The following SGCZ variants were observed in gnomAD, a reference collection of about 807,000 sequenced individuals.
SGCZ encodes the protein sarcoglycan zeta.
In SGCZ, 40 loss-of-function variants were observed where a neutral mutation model predicts 41.3. The observed-to-expected ratio is 0.97, with a 90% confidence interval of 0.75 to 1.26. The LOEUF (loss-of-function observed/expected upper bound fraction) is 1.26. Among genes scored for constraint, SGCZ ranks in the 50% most tolerant of loss-of-function variants. The pLI is 0.00. For missense variants in SGCZ, 552 were observed against 369.8 expected (o/e 1.49, Z -4.04); for synonymous variants, 206 against 137.5 (o/e 1.50, Z -3.49).
At chr8:14,965,917 G>T (rs1429152013) in intron 1 of SGCZ, among the ~76,000 whole-genome samples, 10 of 151,998 alleles carry the variant, frequency 6.6e-5, no homozygotes, top group Admixed American at 6.6e-4. Flanking sequence ...TCTAACTCAT[G>T]ATCGAAGAAG....
chr8:14,744,501 C>T (rs1799287726), intron 1 of SGCZ, among the ~76,000 whole-genome samples: 1 of 152,002 alleles, frequency 6.6e-6, no homozygotes, highest in African/African-American at 2.4e-5. Flanking sequence ...TTCCAACTTC[C>T]TTTTTTTCTG....
intron 1 of SGCZ, among the ~76,000 whole-genome samples, chr8:15,080,057 T>C (rs1295405228): frequency 1.3e-5 from 2 of 152,098 alleles, no homozygotes; most frequent in African/African-American, 4.8e-5. Flanking sequence ...TTATCTTCTG[T>C]TTTTCTTGTT....
At chr8:14,739,757 G>C (rs1227633989) in intron 1 of SGCZ, among the ~76,000 whole-genome samples, 1 of 151,988 alleles carries the variant, frequency 6.6e-6, no homozygotes, top group Non-Finnish European at 1.5e-5. Context: ...ACGTTAAAAG[G>C]AAAGGGGAAA....
chr8:14,820,276 T>C (rs1018362301), intron 1 of SGCZ, among the ~76,000 whole-genome samples: 1 of 152,016 alleles, frequency 6.6e-6, no homozygotes, highest in African/African-American at 2.4e-5. Context: ...GACATCATTA[T>C]ACAATGAAAA....
rs1010496649 is a variant in SGCZ, at chr8:14,085,743, G to T, written c.*4700C>A. Among the ~76,000 whole-genome samples the T allele has an allele frequency of 2.0e-5, 3 of 151,646 alleles. No individual in the cohort carries two copies. Among genetic ancestry groups the T allele is most frequent in the African/African-American group, 7.3e-5 (3 of 41,374 alleles). On this transcript the variant is annotated 3_prime_UTR_variant, in exon 8 of 8. Transcript: ENST00000382080. Reference sequence around the variant, plus strand: ...GTTATGCATGTATAAAAGAAAAGTGGACCACACTAATGATGTTTCCCTTCT... The same window carrying T: ...GTTATGCATGTATAAAAGAAAAGTGTACCACACTAATGATGTTTCCCTTCT...
chr8:14,758,722 C>T (rs1286753597), intron 1 of SGCZ, among the ~76,000 whole-genome samples: 1 of 152,088 alleles, frequency 6.6e-6, no homozygotes, highest in Non-Finnish European at 1.5e-5. Flanking sequence ...AAATTCTTTA[C>T]AGTAGGCCGA....
At chr8:14,527,732 G>A (rs569312655) in intron 2 of SGCZ, among the ~76,000 whole-genome samples, 15 of 152,074 alleles carry the variant, frequency 9.9e-5, no homozygotes, top group African/African-American at 9.7e-5. Context: ...ATAAGCACAT[G>A]TGTTAATTAC....
At chr8:14,477,118 C>T (rs1022018747) in intron 2 of SGCZ, among the ~76,000 whole-genome samples, 1 of 152,124 alleles carries the variant, frequency 6.6e-6, no homozygotes, top group Non-Finnish European at 1.5e-5. Flanking sequence ...CAAATTCACT[C>T]TATGTGTCTT....
chr8:14,377,803 G>A (rs1311638554), intron 2 of SGCZ, among the ~76,000 whole-genome samples: 1 of 151,600 alleles, frequency 6.6e-6, no homozygotes, highest in Non-Finnish European at 1.5e-5. Flanking sequence ...TCTTGCGATA[G>A]TTTACTGAGA....
At chr8:15,226,781 T>C (rs1373722629) in intron 1 of SGCZ, among the ~76,000 whole-genome samples, 2 of 152,032 alleles carry the variant, frequency 1.3e-5, no homozygotes, top group Non-Finnish European at 2.9e-5. Flanking sequence ...TGTCTTAGGA[T>C]AAAACAGATT....
chr8:15,111,442 T>A (rs1359289935), intron 1 of SGCZ, among the ~76,000 whole-genome samples: 2 of 152,152 alleles, frequency 1.3e-5, no homozygotes, highest in Non-Finnish European at 2.9e-5. Context: ...CAAGGACCAA[T>A]TCACTTGAGC....
chr8:14,297,260 A>G (rs1485133299), intron 3 of SGCZ, among the ~76,000 whole-genome samples: 1 of 152,148 alleles, frequency 6.6e-6, no homozygotes, highest in South Asian at 2.1e-4. Context: ...ATTTGAGGAT[A>G]TAGATATAGA....
chr8:14,498,146 T>C (rs954860797), intron 2 of SGCZ, among the ~76,000 whole-genome samples: 7 of 152,228 alleles, frequency 4.6e-5, no homozygotes, highest in African/African-American at 1.4e-4. Flanking sequence ...ATGTCAATAA[T>C]AATCACTTTT....
At chr8:14,614,155 T>G (rs1057089892) in intron 1 of SGCZ, among the ~76,000 whole-genome samples, 5 of 152,174 alleles carry the variant, frequency 3.3e-5, no homozygotes, top group Admixed American at 3.3e-4. Context: ...CTAATGTCCG[T>G]TGCTAAATTA....
At chr8:14,855,895 C>T (rs1803531260) in intron 1 of SGCZ, among the ~76,000 whole-genome samples, 1 of 152,050 alleles carries the variant, frequency 6.6e-6, no homozygotes, top group African/African-American at 2.4e-5. Context: ...TGAGATAAGA[C>T]CACAAAAGGA....
intron 3 of SGCZ, among the ~76,000 whole-genome samples, chr8:14,313,152 A>AATGGAATG (rs1207223546): frequency 1.1e-4 from 17 of 152,322 alleles, no homozygotes; most frequent in African/African-American, 4.1e-4. Flanking sequence ...GCTAATGTCT[A>AATGGAATG]CTTCCTATGG....
At chr8:14,289,183 A>C (rs1800753760) in intron 3 of SGCZ, among the ~76,000 whole-genome samples, 1 of 150,298 alleles carries the variant, frequency 6.7e-6, no homozygotes, top group South Asian at 2.1e-4. Flanking sequence ...GTTTTATCAG[A>C]TATATTAATT....
chr8:14,813,480 G>T (rs1469523625), intron 1 of SGCZ, among the ~76,000 whole-genome samples: 1 of 152,072 alleles, frequency 6.6e-6, no homozygotes, highest in East Asian at 1.9e-4. Context: ...TCTGTTTGGG[G>T]AAAATATATT....
At chr8:14,385,654 T>G (rs1053321498) in intron 2 of SGCZ, among the ~76,000 whole-genome samples, 1 of 152,254 alleles carries the variant, frequency 6.6e-6, no homozygotes, top group Non-Finnish European at 1.5e-5. Flanking sequence ...TTGTAACTTA[T>G]ACTATGAGGT....
Sources: gnomAD v4.1 joint callset for allele counts (sites outside exome capture counted in the v4.1 genomes callset) on GRCh38, gnomAD v4.1.1 for gene constraint, MANE v1.5 for transcripts, NCBI Gene and HGNC (gene_info 2026-07-23, HGNC 2026-07-21) for gene names.